NLGN1: variants seen among roughly 807,000 people sequenced by gnomAD.
NLGN1 encodes the protein neuroligin 1.
Under a neutral mutation model 65.5 loss-of-function variants are expected in NLGN1, and 12 were observed. The ratio of observed to expected loss-of-function variants is 0.18; its 90% CI spans 0.12 to 0.30. NLGN1 has a LOEUF of 0.30. NLGN1 is among the 10% of genes least tolerant of loss of function. NLGN1 has a pLI of 1.00. For synonymous variants in NLGN1, 350 were observed against 359.5 expected (o/e 0.97, Z 0.30); for missense variants, 750 against 1,007.1 (o/e 0.74, Z 3.46).
Position 174,116,779 on chromosome 3 carries a change from T to A in NLGN1, c.647-158536T>A, listed in dbSNP as rs548016583. On this transcript the variant is annotated intron_variant, in intron 4 of 6. Transcript: ENST00000457714. Reference sequence around the variant, plus strand: ...GTAGAATTTAAATATTCTTAGATAATGGCAATTGAAATAGAAGGCATATGA... The same window carrying A: ...GTAGAATTTAAATATTCTTAGATAAAGGCAATTGAAATAGAAGGCATATGA... Among the ~76,000 whole-genome samples, 9 of 152,298 alleles carry A rather than the reference T, an allele frequency of 5.9e-5. No individual in the cohort carries two copies. The South Asian group carries it at 1.9e-3, about 32-fold the overall frequency.
intron 1 of NLGN1, among the ~76,000 whole-genome samples, chr3:173,421,895 A>G (rs2148699076): frequency 6.6e-6 from 1 of 152,202 alleles, no homozygotes; most frequent in South Asian, 2.1e-4. Context: ...TGTCTTAGTC[A>G]TTCTTTGATT....
At chr3:174,134,993 CAT>C in intron 4 of NLGN1, among the ~76,000 whole-genome samples, 1 of 152,148 alleles carries the variant, frequency 6.6e-6, no homozygotes, top group East Asian at 1.9e-4. Context: ...GTACTTCTGA[CAT>C]AGAAAAAAAC....
intron 2 of NLGN1, among the ~76,000 whole-genome samples, chr3:173,546,251 T>C (rs1739812038): frequency 6.6e-6 from 1 of 152,182 alleles, no homozygotes; most frequent in African/African-American, 2.4e-5. Context: ...ACCACTGCAT[T>C]CTATTTTGTG....
At chr3:173,523,664 A>C (rs1352427115) in intron 2 of NLGN1, among the ~76,000 whole-genome samples, 3 of 151,606 alleles carry the variant, frequency 2.0e-5, no homozygotes, top group Non-Finnish European at 4.4e-5. Flanking sequence ...ATAGCCTTAT[A>C]CTATAATTTG....
chr3:173,922,333 G>GT (rs1742204533), intron 4 of NLGN1, among the ~76,000 whole-genome samples: 1 of 151,948 alleles, frequency 6.6e-6, no homozygotes, highest in Admixed American at 6.6e-5. Flanking sequence ...CACAAATATA[G>GT]TTTAGACAGT....
intron 2 of NLGN1, among the ~76,000 whole-genome samples, chr3:173,601,399 C>G (rs954078717): frequency 1.3e-5 from 2 of 151,998 alleles, no homozygotes; most frequent in African/African-American, 4.8e-5. Context: ...GAGCCTTATT[C>G]TCTTTCCTTT....
chr3:173,738,278 CT>C (rs1300069373), intron 3 of NLGN1, among the ~76,000 whole-genome samples: 1 of 151,090 alleles, frequency 6.6e-6, no homozygotes, highest in Non-Finnish European at 1.5e-5. Flanking sequence ...TCATTTTTTT[CT>C]TGTTATTTGT....
intron 4 of NLGN1, among the ~76,000 whole-genome samples, chr3:174,116,324 GGTTTTC>G (rs1707400248): frequency 1.9e-5 from 2 of 102,842 alleles, no homozygotes; most frequent in African/African-American, 3.8e-5. Context: ...TTTTTTTCTG[GGTTTTC>G]TTTTTTTTTT....
rs1203593381 is a variant in NLGN1 at position 173,747,055 on chromosome 3, TATATACAC to T, written c.494-60623_494-60616del. ...ACCCTGCCTCAAAAAGAAAAAATTA[TATATACAC>T]ACACACACACACACACACACACACA... On this transcript the variant is annotated intron_variant, in intron 3 of 6. Coordinates refer to ENST00000457714, the Ensembl canonical transcript of NLGN1. 1.3e-4 allele frequency among the ~76,000 whole-genome samples: 4 copies of T among 30,806 alleles called. No homozygotes were observed. The East Asian group carries it at 0.041, about 314-fold the overall frequency. The allele number at this position is 30,806 out of a possible 152,430, so 20.2% of individuals were successfully genotyped here.
chr3:173,501,732 A>T (rs534696857), intron 2 of NLGN1, among the ~76,000 whole-genome samples: 2 of 151,630 alleles, frequency 1.3e-5, no homozygotes, highest in East Asian at 3.9e-4. Flanking sequence ...AAATTCTATA[A>T]ATTCTATTTT....
chr3:173,520,046 G>C (rs185948167), intron 2 of NLGN1, among the ~76,000 whole-genome samples: 1 of 152,212 alleles, frequency 6.6e-6, no homozygotes, highest in East Asian at 1.9e-4. Flanking sequence ...GTGAGGATTG[G>C]TTGTTTAAAA....
At chr3:173,542,839 A>G (rs1331403144) in intron 2 of NLGN1, among the ~76,000 whole-genome samples, 1 of 152,046 alleles carries the variant, frequency 6.6e-6, no homozygotes, top group Non-Finnish European at 1.5e-5. Context: ...TACGTGCCAC[A>G]TGTCTATTGT....
At chr3:173,413,146 A>G (rs1158382679) in intron 1 of NLGN1, among the ~76,000 whole-genome samples, 2 of 151,552 alleles carry the variant, frequency 1.3e-5, no homozygotes, top group African/African-American at 4.9e-5. Context: ...TTTTTGGGGG[A>G]AGCGATGGAC....
chr3:173,882,846 T>C, intron 4 of NLGN1, among the ~76,000 whole-genome samples: 1 of 152,158 alleles, frequency 6.6e-6, no homozygotes, highest in Non-Finnish European at 1.5e-5. Flanking sequence ...GAGATCTAAC[T>C]TTCACCCTAT....
At chr3:174,079,157 T>C (rs1195515358) in intron 4 of NLGN1, among the ~76,000 whole-genome samples, 1 of 151,518 alleles carries the variant, frequency 6.6e-6, no homozygotes, top group African/African-American at 2.4e-5. Context: ...AGGTCTACTA[T>C]CCAGCATCTA....
chr3:174,056,907 C>CAT (rs1736243102), intron 4 of NLGN1, among the ~76,000 whole-genome samples: 3 of 151,780 alleles, frequency 2.0e-5, no homozygotes, highest in African/African-American at 4.8e-5. Flanking sequence ...ACTTTTAAGC[C>CAT]ATATATATAT....
At chr3:173,419,099 A>G (rs1293007506) in intron 1 of NLGN1, among the ~76,000 whole-genome samples, 1 of 91,206 alleles carries the variant, frequency 1.1e-5, no homozygotes, top group Non-Finnish European at 2.1e-5. Context: ...ATATCTATCT[A>G]TCTATCTATA....
intron 4 of NLGN1, among the ~76,000 whole-genome samples, chr3:174,083,501 G>A (rs925733110): frequency 3.9e-5 from 6 of 151,904 alleles, no homozygotes; most frequent in South Asian, 2.1e-4. Flanking sequence ...AGTGTTCTTC[G>A]AAAACACATA....
intron 2 of NLGN1, among the ~76,000 whole-genome samples, chr3:173,601,768 A>G (rs1371881914): frequency 1.3e-5 from 2 of 152,032 alleles, no homozygotes; most frequent in African/African-American, 4.8e-5. Flanking sequence ...GAAACCTATC[A>G]CTACATTCAA....
Sources: gnomAD v4.1 joint callset for allele counts (sites outside exome capture counted in the v4.1 genomes callset) on GRCh38, gnomAD v4.1.1 for gene constraint, MANE v1.5 for transcripts, NCBI Gene and HGNC (gene_info 2026-07-23, HGNC 2026-07-21) for gene names.